OPCML: variants seen among roughly 807,000 people sequenced by gnomAD.
OPCML encodes the protein opioid-binding protein/cell adhesion molecule.
A neutral mutation model predicts 37.8 loss-of-function variants in OPCML; 13 were observed. The observed-to-expected ratio is 0.34, with a 90% confidence interval of 0.22 to 0.55. The LOEUF (loss-of-function observed/expected upper bound fraction) is 0.55, where lower values mean the gene tolerates loss of function less well. OPCML is among the 20% of genes least tolerant of loss of function. The pLI is 0.91. For synonymous variants in OPCML, 176 were observed against 168.8 expected, an observed-to-expected ratio of 1.04 and a Z score of -0.33; for missense variants, 341 against 435.6, an observed-to-expected ratio of 0.78 and a Z score of 1.93.
At chr11:133,462,991 T>C (rs1396394431) in intron 1 of OPCML, among the ~76,000 whole-genome samples, 1 of 151,956 alleles carries the variant, frequency 6.6e-6, no homozygotes, top group Non-Finnish European at 1.5e-5. Context: ...CAATGAGATA[T>C]TGTCCATCCT....
intron 1 of OPCML, among the ~76,000 whole-genome samples, chr11:133,110,795 A>G (rs940372748): frequency 6.6e-6 from 1 of 152,114 alleles, no homozygotes; most frequent in Non-Finnish European, 1.5e-5. Context: ...CCCTAACAGC[A>G]TTTCCCTTTA....
At chr11:133,077,290 T>C (rs74803531) in intron 1 of OPCML, among the ~76,000 whole-genome samples, 2,258 of 151,948 alleles carry the variant, frequency 0.015, 43 homozygotes, top group African/African-American at 0.051. Context: ...TTGGAGCTCA[T>C]CACACGGAGT....
At chr11:133,186,538 T>C (rs1177092984) in intron 1 of OPCML, among the ~76,000 whole-genome samples, 2 of 151,306 alleles carry the variant, frequency 1.3e-5, no homozygotes, top group African/African-American at 2.4e-5. Flanking sequence ...GTAGGGAAAA[T>C]GGAGAGGGGT....
At chr11:132,756,430 G>A (rs556144069) in intron 2 of OPCML, among the ~76,000 whole-genome samples, 32 of 152,256 alleles carry the variant, frequency 2.1e-4, no homozygotes, top group Non-Finnish European at 3.4e-4. Flanking sequence ...ATTATCAGGC[G>A]TACATTTCCT....
At chr11:132,492,578 G>A (rs2096219499) in intron 4 of OPCML, among the ~76,000 whole-genome samples, 1 of 151,986 alleles carries the variant, frequency 6.6e-6, no homozygotes, top group Non-Finnish European at 1.5e-5. Context: ...TTGAGAAGGG[G>A]CCAGGAAATT....
intron 2 of OPCML, among the ~76,000 whole-genome samples, chr11:132,703,337 G>A (rs1302065480): frequency 2.0e-5 from 3 of 152,138 alleles, no homozygotes; most frequent in African/African-American, 7.2e-5. Flanking sequence ...TAAAAATATG[G>A]TATTATAATC....
intron 2 of OPCML, among the ~76,000 whole-genome samples, chr11:132,836,097 C>T (rs528260339): frequency 1.4e-4 from 21 of 152,168 alleles, no homozygotes; most frequent in African/African-American, 4.1e-4. Context: ...TTTCAAAATG[C>T]GAAATTAACA....
chr11:133,007,166 G>A (rs1329246469), intron 1 of OPCML: 1 of 985,290 alleles, frequency 1.0e-6, no homozygotes, highest in African/African-American at 1.7e-5. Context: ...CCCACAGATT[G>A]TGGCCTTGGG....
chr11:132,436,512 G>A (rs1206949906), intron 6 of OPCML, 147 bp downstream of exon 6: 1 of 1,431,436 alleles, frequency 7.0e-7, no homozygotes, highest in Non-Finnish European at 9.2e-7. Flanking sequence ...TTTTCTCGTT[G>A]TAAAAATAGA....
At chr11:132,521,360 G>T (rs1429715765) in intron 4 of OPCML, among the ~76,000 whole-genome samples, 1 of 152,078 alleles carries the variant, frequency 6.6e-6, no homozygotes, top group Non-Finnish European at 1.5e-5. Flanking sequence ...TTATTTTGCT[G>T]TGCAGAAGCT....
intron 1 of OPCML, among the ~76,000 whole-genome samples, chr11:133,250,406 A>AGAAG (rs1047407558): frequency 9.2e-5 from 14 of 151,352 alleles, no homozygotes; most frequent in African/African-American, 2.9e-4. Flanking sequence ...GAAGGAAAGA[A>AGAAG]GAAGGAAGGA....
intron 1 of OPCML, among the ~76,000 whole-genome samples, chr11:133,196,467 C>T (rs4598679): frequency 0.36 from 54,995 of 151,986 alleles, 11,197 homozygotes; most frequent in African/African-American, 0.56. Context: ...AAAATCTAAG[C>T]CCCTTGGTGA....
chr11:132,971,099 A>G (rs896645152), intron 1 of OPCML, among the ~76,000 whole-genome samples: 2 of 152,170 alleles, frequency 1.3e-5, no homozygotes, highest in African/African-American at 4.8e-5. Flanking sequence ...GTCACAAAGA[A>G]GCCTTTTTTC....
rs553504675 is a variant in OPCML, at chr11:132,768,183, G to A, written c.147-110864C>T. On this transcript the variant is annotated intron_variant, in intron 2 of 7. Transcript: ENST00000524381. ...TAACAAGGTACCTGCTTATTCTATT[G>A]GAGACGCGTAAAGGGCTTCTATTCA... Among the ~76,000 whole-genome samples, 4 of 152,244 alleles carry A rather than the reference G, an allele frequency of 2.6e-5. No individual in the cohort carries two copies. The South Asian group carries it at 8.3e-4, about 32-fold the overall frequency.
intron 1 of OPCML, among the ~76,000 whole-genome samples, chr11:133,358,415 C>T (rs1156777469): frequency 6.6e-6 from 1 of 152,208 alleles, no homozygotes; most frequent in Admixed American, 6.5e-5. Flanking sequence ...CAACTATTGC[C>T]TTGACATAGG....
chr11:133,008,545 C>G, intron 1 of OPCML: 1 of 609,696 alleles, frequency 1.6e-6, no homozygotes, highest in Non-Finnish European at 2.1e-6. Context: ...AGCTGAGCCT[C>G]TCTCTGGGAA....
At position 132,829,907 on chromosome 11, in the gene OPCML, T is replaced by C. The variant is rs143942108; in HGVS notation, c.146+113019A>G. The stretch of plus-strand genomic sequence containing the variant: ...TGTTATTAACTGTGTATTAATAATA[T>C]ACTTTTAATATTACCTCTACTTTTT... On this transcript the variant is annotated intron_variant, in intron 2 of 7. Transcript: ENST00000524381. Among the ~76,000 whole-genome samples, 431 of 152,346 alleles carry C rather than the reference T, an allele frequency of 2.8e-3. 3 individuals carry two copies. Among genetic ancestry groups the C allele is most frequent in the African/African-American group, 9.9e-3 (411 of 41,576 alleles).
chr11:132,906,973 C>T (rs191621376), intron 2 of OPCML, among the ~76,000 whole-genome samples: 13 of 152,316 alleles, frequency 8.5e-5, no homozygotes, highest in African/African-American at 3.1e-4. Flanking sequence ...CGACAGCTCT[C>T]TACCTGACAA....
intron 1 of OPCML, among the ~76,000 whole-genome samples, chr11:133,466,441 C>T (rs570639325): frequency 2.6e-4 from 40 of 152,240 alleles, no homozygotes. Flanking sequence ...GAACCGTGAC[C>T]TTAGCAAATG....
Sources: gnomAD v4.1 joint callset for allele counts (sites outside exome capture counted in the v4.1 genomes callset) on GRCh38, gnomAD v4.1.1 for gene constraint, MANE v1.5 for transcripts, NCBI Gene and HGNC (gene_info 2026-07-23, HGNC 2026-07-21) for gene names.